Variants in CSMD1 observed in about 807,000 individuals in gnomAD.
The protein encoded by CSMD1 is CUB and sushi domain-containing protein 1.
Under a neutral mutation model 417.5 loss-of-function variants are expected in CSMD1, and 213 were observed. The ratio of observed to expected loss-of-function variants is 0.51; its 90% CI spans 0.46 to 0.57. CSMD1 has a LOEUF of 0.57. Among genes scored for constraint, CSMD1 ranks in the 20% least tolerant of loss-of-function variants. The probability of loss-of-function intolerance (pLI) is 0.00; values close to 1 mark genes in which losing one functional copy is unlikely to be tolerated. For missense variants in CSMD1, 6,923 were observed against 4,529.7 expected (o/e 1.53, Z -15.17); for synonymous variants, 2,862 against 1,736.8 (o/e 1.65, Z -16.11).
At chr8:3,807,823 C>A (rs1800831869) in intron 5 of CSMD1, among the ~76,000 whole-genome samples, 1 of 152,112 alleles carries the variant, frequency 6.6e-6, no homozygotes, top group Non-Finnish European at 1.5e-5. Flanking sequence ...TCACTGAGAT[C>A]CTAGCACATT....
chr8:4,190,578 C>G (rs910509465), intron 3 of CSMD1, among the ~76,000 whole-genome samples: 4 of 150,058 alleles, frequency 2.7e-5, no homozygotes, highest in African/African-American at 9.8e-5. Flanking sequence ...CTCTGATGAT[C>G]TATTCCCATG....
At chr8:4,140,509 C>T (rs200254525) in intron 3 of CSMD1, among the ~76,000 whole-genome samples, 45,166 of 150,302 alleles carry the variant, frequency 0.3, 8,420 homozygotes, top group Non-Finnish European at 0.39. Context: ...AACAAACAAA[C>T]AAACAAAAAT....
chr8:4,720,311 T>C (rs1271160867), intron 1 of CSMD1, among the ~76,000 whole-genome samples: 1 of 152,158 alleles, frequency 6.6e-6, no homozygotes, highest in Non-Finnish European at 1.5e-5. Context: ...AATTCCTTCT[T>C]CTCAAAATCT....
intron 52 of CSMD1, among the ~76,000 whole-genome samples, chr8:3,008,701 C>T (rs926577962): frequency 6.6e-6 from 1 of 152,142 alleles, no homozygotes; most frequent in Non-Finnish European, 1.5e-5. Context: ...ATCTTACTGG[C>T]AGACAGGATT....
At chr8:4,395,257 C>G (rs879808755) in intron 3 of CSMD1, among the ~76,000 whole-genome samples, 6 of 152,174 alleles carry the variant, frequency 3.9e-5, no homozygotes, top group African/African-American at 7.2e-5. Flanking sequence ...TTTATCTTCT[C>G]TCTTACTCCA....
chr8:4,807,721 A>G (rs537820333), intron 1 of CSMD1, among the ~76,000 whole-genome samples: 1 of 152,212 alleles, frequency 6.6e-6, no homozygotes, highest in Non-Finnish European at 1.5e-5. Context: ...CTGAATAAAA[A>G]TACTACCTGT....
intron 10 of CSMD1, among the ~76,000 whole-genome samples, chr8:3,557,699 T>C (rs1585361700): frequency 6.6e-6 from 1 of 152,280 alleles, no homozygotes; most frequent in African/African-American, 2.4e-5. Flanking sequence ...CTCTCCACAG[T>C]AAAACACATC....
chr8:3,979,482 A>G (rs1813693540), intron 5 of CSMD1, among the ~76,000 whole-genome samples: 1 of 152,166 alleles, frequency 6.6e-6, no homozygotes, highest in South Asian at 2.1e-4. Context: ...TTTGGCTTAG[A>G]ATGTTGTGTC....
At chr8:4,019,734 G>A (rs1372452790) in intron 4 of CSMD1, among the ~76,000 whole-genome samples, 1 of 152,084 alleles carries the variant, frequency 6.6e-6, no homozygotes, top group Admixed American at 6.6e-5. Context: ...GAATGTGCCT[G>A]TTGTAGAAGT....
chr8:4,476,297 T>C (rs1026043087), intron 2 of CSMD1, among the ~76,000 whole-genome samples: 4 of 152,174 alleles, frequency 2.6e-5, no homozygotes, highest in Admixed American at 2.6e-4. Flanking sequence ...TATAAGCATG[T>C]ATCTATTCTA....
rs1352967816 is a variant in CSMD1 at position 3,772,466 on chromosome 8, TAC to T, written c.819-18426_819-18425del. On this transcript the variant is annotated intron_variant, in intron 5 of 69. Transcript: ENST00000635120. The stretch of plus-strand genomic sequence containing the variant: ...ATATATACACATATATATACATATA[TAC>T]ACATATATATACATATATACACATA... Among the ~76,000 whole-genome samples, 369 of 76,652 alleles carry T rather than the reference TAC, an allele frequency of 4.8e-3. 108 individuals carry two copies. Among genetic ancestry groups the T allele is most frequent in the African/African-American group, 0.015 (350 of 23,266 alleles). The allele number at this position is 76,652 out of a possible 152,430, so 50.3% of individuals were successfully genotyped here. A position where few individuals can be genotyped will look rare whatever the true frequency, so the allele number is the denominator to read the frequency against.
chr8:4,294,538 C>T (rs1664102925), intron 3 of CSMD1, among the ~76,000 whole-genome samples: 1 of 152,160 alleles, frequency 6.6e-6, no homozygotes, highest in South Asian at 2.1e-4. Context: ...GATGAGCAAA[C>T]ACAAATCACT....
chr8:3,647,151 G>A (rs763755303), intron 7 of CSMD1, among the ~76,000 whole-genome samples: 5 of 152,104 alleles, frequency 3.3e-5, no homozygotes, highest in Non-Finnish European at 7.4e-5. Context: ...TTGTAGGGGT[G>A]GATGGTCCTC....
chr8:3,101,606 T>C lies in CSMD1; in HGVS notation c.6950-4569A>G, dbSNP rs146499760. The stretch of plus-strand genomic sequence containing the variant: ...CCTGGCTAATTTTTTTTTGTATTTT[T>C]AGTAGAGATAGGTTTTCACCATGTT... On this transcript the variant is annotated intron_variant, in intron 46 of 69. Coordinates refer to ENST00000635120, the MANE Select transcript of CSMD1 (RefSeq NM_033225.6). 6.4e-3 allele frequency among the ~76,000 whole-genome samples: 968 copies of C among 151,838 alleles called. 5 individuals carry two copies. Among genetic ancestry groups the C allele is most frequent in the Middle Eastern group, 0.027 (8 of 292 alleles).
chr8:3,954,834 G>A (rs750978386), intron 5 of CSMD1, among the ~76,000 whole-genome samples: 3 of 152,356 alleles, frequency 2.0e-5, no homozygotes, highest in African/African-American at 7.2e-5. Context: ...GCGCAGTGTG[G>A]CAGGGAGTTA....
intron 12 of CSMD1, among the ~76,000 whole-genome samples, chr8:3,428,599 G>T (rs576514468): frequency 6.6e-6 from 1 of 152,248 alleles, no homozygotes; most frequent in East Asian, 1.9e-4. Flanking sequence ...AGAGTTCACC[G>T]TTAGTGAGGG....
At position 3,207,688 on chromosome 8, in the gene CSMD1, G is replaced by C. The variant is rs185831511; in HGVS notation, c.4868-2068C>G. Among the ~76,000 whole-genome samples, 72 of 152,080 alleles carry C rather than the reference G, an allele frequency of 4.7e-4. No homozygotes were observed. The East Asian group carries it at 0.01, about 22-fold the overall frequency. Reference sequence around the variant, plus strand: ...TTAAGTTGTATTCTAAAAGTCAAAGGAAAACAGCTCAGACATCTGTCAGCT... The same window carrying C: ...TTAAGTTGTATTCTAAAAGTCAAAGCAAAACAGCTCAGACATCTGTCAGCT... On this transcript the variant is annotated intron_variant, in intron 30 of 69. Transcript: ENST00000635120.
chr8:4,492,275 A>C (rs1005759606), intron 2 of CSMD1, among the ~76,000 whole-genome samples: 4 of 152,124 alleles, frequency 2.6e-5, no homozygotes, highest in Non-Finnish European at 4.4e-5. Flanking sequence ...TGTTTTGTCT[A>C]CACGGGATCT....
At chr8:3,862,519 G>A (rs866775297) in intron 5 of CSMD1, among the ~76,000 whole-genome samples, 1 of 152,118 alleles carries the variant, frequency 6.6e-6, no homozygotes, top group Non-Finnish European at 1.5e-5. Flanking sequence ...ACAACTGTTT[G>A]CTACCATAAA....
Sources: gnomAD v4.1 joint callset for allele counts (sites outside exome capture counted in the v4.1 genomes callset) on GRCh38, gnomAD v4.1.1 for gene constraint, MANE v1.5 for transcripts, NCBI Gene and HGNC (gene_info 2026-07-23, HGNC 2026-07-21) for gene names.